SLC4A10: variants seen among roughly 807,000 people sequenced by gnomAD.
SLC4A10 encodes solute carrier family 4 member 10, also known as sodium-driven chloride bicarbonate exchanger.
SLC4A10 carries 42 observed loss-of-function variants against 137.7 expected under a neutral mutation model. The ratio of observed to expected loss-of-function variants is 0.30; its 90% confidence interval spans 0.24 to 0.39. The LOEUF (loss-of-function observed/expected upper bound fraction) is 0.39, where lower values mean the gene tolerates loss of function less well. Among genes scored for constraint, SLC4A10 ranks in the 10% least tolerant of loss-of-function variants. The probability of loss-of-function intolerance (pLI) is 1.00; values close to 1 mark genes in which losing one functional copy is unlikely to be tolerated. For missense variants in SLC4A10, 925 were observed against 1,355.0 expected, an observed-to-expected ratio of 0.68 and a Z score of 4.98; for synonymous variants, 474 against 464.1, an observed-to-expected ratio of 1.02 and a Z score of -0.27.
rs577729419 is a variant in SLC4A10 at position 161,893,732 on chromosome 2, GA to G, written c.1195-946del. Among the ~76,000 whole-genome samples, 5 of 151,388 alleles carry G rather than the reference GA, an allele frequency of 3.3e-5. No homozygotes were observed. In the South Asian group the frequency reaches 1.0e-3, roughly 32 times the overall value. On this transcript the variant is annotated intron_variant, in intron 10 of 26. Coordinates refer to ENST00000446997, the MANE Select transcript of SLC4A10 (RefSeq NM_001178015.2). ...AAAAATCAAAAATATTCGAGGGGGG[GA>G]CAATAAAAAATAACAATGTTACAAT...
intron 1 of SLC4A10, among the ~76,000 whole-genome samples, chr2:161,763,984 A>G (rs907522237): frequency 2.0e-5 from 3 of 152,188 alleles, no homozygotes; most frequent in Admixed American, 2.0e-4. Context: ...CTAATCTTTG[A>G]CATGGCAATC....
intron 3 of SLC4A10, among the ~76,000 whole-genome samples, chr2:161,805,232 G>T (rs954217492): frequency 1.3e-5 from 2 of 152,048 alleles, no homozygotes; most frequent in East Asian, 1.9e-4. Context: ...GGAAAGACCT[G>T]TCCTCATTAT....
intron 15 of SLC4A10, among the ~76,000 whole-genome samples, chr2:161,914,761 A>G (rs953784834): frequency 2.0e-5 from 3 of 152,072 alleles, no homozygotes; most frequent in Non-Finnish European, 4.4e-5. Flanking sequence ...CCCCTCCCAA[A>G]TTTCTCTGTT....
chr2:161,734,721 T>G (rs994352107), intron 1 of SLC4A10, among the ~76,000 whole-genome samples: 1 of 152,010 alleles, frequency 6.6e-6, no homozygotes, highest in Non-Finnish European at 1.5e-5. Flanking sequence ...ATATCTTGTT[T>G]CTCTTTATAT....
At chr2:161,933,129 G>GTTTTTC (rs1553631290) in intron 15 of SLC4A10, among the ~76,000 whole-genome samples, 2 of 145,702 alleles carry the variant, frequency 1.4e-5, no homozygotes, top group Non-Finnish European at 3.0e-5. Context: ...TTTCCTGCCT[G>GTTTTTC]TTTTTCTTTC....
intron 24 of SLC4A10, 93 bp downstream of exon 24, chr2:161,974,409 G>A: frequency 1.9e-6 from 2 of 1,028,318 alleles, no homozygotes; most frequent in Non-Finnish European, 2.7e-6. Flanking sequence ...CCTCAGAGAG[G>A]TTTCTTGAAA....
chr2:161,693,175 C>G (rs1474595037), intron 1 of SLC4A10, among the ~76,000 whole-genome samples: 1 of 151,958 alleles, frequency 6.6e-6, no homozygotes, highest in Non-Finnish European at 1.5e-5. Context: ...TTTACGATTT[C>G]AAAACTTTAA....
intron 1 of SLC4A10, among the ~76,000 whole-genome samples, chr2:161,745,020 A>G (rs151227336): frequency 2.5e-4 from 38 of 152,208 alleles, no homozygotes; most frequent in African/African-American, 9.1e-4. Flanking sequence ...TTGCATGACA[A>G]GTCTTGTGTT....
intron 1 of SLC4A10, among the ~76,000 whole-genome samples, chr2:161,681,926 C>G (rs760745576): frequency 6.6e-6 from 1 of 152,034 alleles, no homozygotes; most frequent in Non-Finnish European, 1.5e-5. Context: ...GCTGATATTT[C>G]TATTTTTGTC....
chr2:161,714,042 A>C (rs866993410), intron 1 of SLC4A10, among the ~76,000 whole-genome samples: 16 of 151,918 alleles, frequency 1.1e-4, no homozygotes, highest in Non-Finnish European at 1.9e-4. Flanking sequence ...AACTCCTGGA[A>C]TTCTACAGGG....
intron 8 of SLC4A10, among the ~76,000 whole-genome samples, chr2:161,875,994 T>G (rs966180851): frequency 6.6e-6 from 1 of 152,206 alleles, no homozygotes; most frequent in African/African-American, 2.4e-5. Flanking sequence ...AGCGTGTAGT[T>G]TGCCCAGACA....
chr2:161,801,793 C>T (rs919804355), intron 2 of SLC4A10, among the ~76,000 whole-genome samples: 3 of 152,002 alleles, frequency 2.0e-5, no homozygotes, highest in Admixed American at 6.6e-5. Flanking sequence ...AAAACACTTT[C>T]TGAATGATAT....
chr2:161,697,265 C>G (rs181879882), intron 1 of SLC4A10, among the ~76,000 whole-genome samples: 203 of 152,194 alleles, frequency 1.3e-3, no homozygotes, highest in Middle Eastern at 6.8e-3. Context: ...TGCCTGTTCA[C>G]TCTGTTGGTA....
intron 1 of SLC4A10, among the ~76,000 whole-genome samples, chr2:161,671,216 C>T (rs540867466): frequency 2.0e-4 from 31 of 152,236 alleles, no homozygotes; most frequent in African/African-American, 7.0e-4. Flanking sequence ...TCTCTCCCTT[C>T]CAACTCTTCC....
At chr2:161,880,460 A>T (rs752171336) in intron 9 of SLC4A10, among the ~76,000 whole-genome samples, 2 of 152,160 alleles carry the variant, frequency 1.3e-5, no homozygotes, top group Non-Finnish European at 2.9e-5. Context: ...CTGGAACGGG[A>T]TTCAGTGGTT....
chr2:161,656,619 C>G (rs1172102288), intron 1 of SLC4A10, among the ~76,000 whole-genome samples: 6 of 151,968 alleles, frequency 3.9e-5, no homozygotes, highest in Non-Finnish European at 7.4e-5. Context: ...AAATATAACT[C>G]AAGAATTGAA....
chr2:161,701,884 A>G (rs560804048), intron 1 of SLC4A10, among the ~76,000 whole-genome samples: 43 of 152,118 alleles, frequency 2.8e-4, no homozygotes, highest in African/African-American at 9.9e-4. Flanking sequence ...ACTAGCTATT[A>G]TGAAAAAGAC....
At chr2:161,679,755 G>T in intron 1 of SLC4A10, among the ~76,000 whole-genome samples, 1 of 149,524 alleles carries the variant, frequency 6.7e-6, no homozygotes, top group Non-Finnish European at 1.5e-5. Context: ...TGGCTTGTCT[G>T]CTTTTATTTT....
chr2:161,742,197 A>T (rs2047962748), intron 1 of SLC4A10, among the ~76,000 whole-genome samples: 2 of 152,190 alleles, frequency 1.3e-5, no homozygotes, highest in Admixed American at 1.3e-4. Flanking sequence ...TTGTGTATAT[A>T]TACCACATTT....
Sources: gnomAD v4.1 joint callset for allele counts (sites outside exome capture counted in the v4.1 genomes callset) on GRCh38, gnomAD v4.1.1 for gene constraint, MANE v1.5 for transcripts, NCBI Gene and HGNC (gene_info 2026-07-23, HGNC 2026-07-21) for gene names.